CDKAL1: variants seen among roughly 807,000 people sequenced by gnomAD.
CDKAL1 encodes threonylcarbamoyladenosine tRNA methylthiotransferase.
Under a neutral mutation model 68.2 loss-of-function variants are expected in CDKAL1, and 32 were observed. The ratio of observed to expected loss-of-function variants is 0.47; its 90% CI spans 0.35 to 0.63. CDKAL1 has a LOEUF of 0.63. Ranked by LOEUF, CDKAL1 falls within the 30% of genes least tolerant of loss-of-function variation. The pLI, the probability that CDKAL1 is intolerant of heterozygous loss-of-function variation, is 0.00. For missense variants in CDKAL1, 606 were observed against 696.7 expected, an observed-to-expected ratio of 0.87 and a Z score of 1.47; for synonymous variants, 234 against 244.3, an observed-to-expected ratio of 0.96 and a Z score of 0.39.
chr6:20,601,332 T>C (rs978796273), intron 4 of CDKAL1, among the ~76,000 whole-genome samples: 1 of 152,228 alleles, frequency 6.6e-6, no homozygotes, highest in African/African-American at 2.4e-5. Flanking sequence ...ATAGTGATTC[T>C]TATTTTTTCT....
intron 5 of CDKAL1, among the ~76,000 whole-genome samples, chr6:20,713,072 G>A (rs1003720936): frequency 6.6e-6 from 1 of 152,156 alleles, no homozygotes; most frequent in East Asian, 1.9e-4. Context: ...CTTACTTGAT[G>A]CCTGTAATGA....
chr6:21,051,478 G>A (rs530503717), intron 11 of CDKAL1, among the ~76,000 whole-genome samples: 143 of 152,270 alleles, frequency 9.4e-4, no homozygotes, highest in Middle Eastern at 3.4e-3. Context: ...TAAGAGATAA[G>A]GACTACCCTG....
At chr6:21,224,918 A>G (rs1255371325) in intron 15 of CDKAL1, among the ~76,000 whole-genome samples, 1 of 152,220 alleles carries the variant, frequency 6.6e-6, no homozygotes, top group Non-Finnish European at 1.5e-5. Flanking sequence ...AAATGTAAGA[A>G]TAGGTAAATG....
chr6:20,977,025 G>T (rs1250424337), intron 10 of CDKAL1, among the ~76,000 whole-genome samples: 1 of 152,274 alleles, frequency 6.6e-6, no homozygotes, highest in African/African-American at 2.4e-5. Flanking sequence ...GAGTGGAATT[G>T]CTGGGTCAGA....
intron 2 of CDKAL1, among the ~76,000 whole-genome samples, chr6:20,545,810 C>T (rs917858142): frequency 6.6e-6 from 1 of 152,294 alleles, no homozygotes; most frequent in East Asian, 1.9e-4. Flanking sequence ...GACATAATGA[C>T]ATTTCACTTC....
intron 8 of CDKAL1, among the ~76,000 whole-genome samples, chr6:20,832,273 A>G (rs932957107): frequency 1.3e-5 from 2 of 152,240 alleles, no homozygotes; most frequent in Non-Finnish European, 2.9e-5. Context: ...ATGTATTCCA[A>G]TATCAAATGG....
intron 6 of CDKAL1, among the ~76,000 whole-genome samples, chr6:20,745,817 C>T (rs1174445209): frequency 6.6e-6 from 1 of 152,170 alleles, no homozygotes; most frequent in African/African-American, 2.4e-5. Context: ...CCACGTGGGG[C>T]CCAGAGGCCA....
intron 5 of CDKAL1, among the ~76,000 whole-genome samples, chr6:20,682,344 G>C (rs904084385): frequency 1.3e-5 from 2 of 152,118 alleles, no homozygotes; most frequent in Admixed American, 1.3e-4. Flanking sequence ...GTATTAGTCT[G>C]TTCTCACACT....
intron 4 of CDKAL1, among the ~76,000 whole-genome samples, chr6:20,601,208 AAC>A (rs1244673820): frequency 1.3e-5 from 2 of 152,320 alleles, no homozygotes; most frequent in East Asian, 1.9e-4. Context: ...AAAGATCAGA[AAC>A]ACATAATTAA....
chr6:21,005,620 C>T (rs1767682924), intron 11 of CDKAL1, among the ~76,000 whole-genome samples: 1 of 152,116 alleles, frequency 6.6e-6, no homozygotes, highest in Admixed American at 6.6e-5. Context: ...ATGGATCTAA[C>T]GTTAAGTTGC....
At chr6:21,104,685 T>G (rs1411332243) in intron 12 of CDKAL1, among the ~76,000 whole-genome samples, 1 of 152,184 alleles carries the variant, frequency 6.6e-6, no homozygotes, top group Non-Finnish European at 1.5e-5. Context: ...ACCTTCAATA[T>G]GCCAAGACTT....
intron 4 of CDKAL1, among the ~76,000 whole-genome samples, chr6:20,564,837 C>T (rs550534072): frequency 6.6e-6 from 1 of 152,128 alleles, no homozygotes; most frequent in Non-Finnish European, 1.5e-5. Flanking sequence ...CTTAAAAGTA[C>T]CTTTGAAAAT....
At chr6:20,917,039 G>T (rs545800765) in intron 9 of CDKAL1, among the ~76,000 whole-genome samples, 4 of 152,304 alleles carry the variant, frequency 2.6e-5, no homozygotes, top group South Asian at 4.1e-4. Flanking sequence ...GAAGTGCAAT[G>T]GCATGGTCTT....
intron 11 of CDKAL1, among the ~76,000 whole-genome samples, chr6:21,031,300 C>G (rs1163329699): frequency 6.6e-6 from 1 of 151,408 alleles, no homozygotes; most frequent in Non-Finnish European, 1.5e-5. Flanking sequence ...TCGAAGCCCA[C>G]CAGAGCATGT....
chr6:21,079,970 T>G (rs1772287573), intron 12 of CDKAL1, among the ~76,000 whole-genome samples: 2 of 30,584 alleles, frequency 6.5e-5, no homozygotes, highest in African/African-American at 1.0e-4. Context: ...CTTATCAACT[T>G]TGTCTCTGTG....
intron 13 of CDKAL1, among the ~76,000 whole-genome samples, chr6:21,183,906 C>G (rs748192578): frequency 6.6e-6 from 1 of 152,066 alleles, no homozygotes; most frequent in Non-Finnish European, 1.5e-5. Context: ...TCCTCTTGGC[C>G]GGGGGCATTC....
intron 9 of CDKAL1, among the ~76,000 whole-genome samples, chr6:20,941,152 A>G (rs567334396): frequency 3.3e-5 from 2 of 60,396 alleles, no homozygotes; most frequent in African/African-American, 8.6e-5. Flanking sequence ...AGTGCTCATC[A>G]GCCACATATG....
intron 11 of CDKAL1, among the ~76,000 whole-genome samples, chr6:21,016,612 T>TCATCCATCCATC (rs3061573): frequency 1.7e-3 from 251 of 144,108 alleles, no homozygotes; most frequent in African/African-American, 3.9e-3. Flanking sequence ...CGCCTTCCAT[T>TCATCCATCCATC]CATCCATCCA....
chr6:20,936,633 A>G (rs1763728973), intron 9 of CDKAL1, among the ~76,000 whole-genome samples: 1 of 152,028 alleles, frequency 6.6e-6, no homozygotes, highest in African/African-American at 2.4e-5. Context: ...GCTGATGACA[A>G]TGGCAGTACT....
Sources: allele counts gnomAD v4.1 joint callset (sites outside exome capture counted in the v4.1 genomes callset), GRCh38; gene constraint gnomAD v4.1.1; transcripts MANE v1.5; gene names NCBI Gene and HGNC (gene_info 2026-07-23, HGNC 2026-07-21).